The following CDH13 variants were observed in gnomAD, a reference collection of about 807,000 sequenced individuals.
CDH13 encodes the protein cadherin-13.
A neutral mutation model predicts 63.8 loss-of-function variants in CDH13; 24 were observed. That is an observed-to-expected ratio of 0.38 (90% CI 0.27 to 0.53). The LOEUF (loss-of-function observed/expected upper bound fraction) is 0.53, where lower values mean the gene tolerates loss of function less well. CDH13 is among the 20% of genes least tolerant of loss of function. The pLI, the probability that CDH13 is intolerant of heterozygous loss-of-function variation, is 0.85. For synonymous variants in CDH13, 503 were observed against 355.3 expected, an observed-to-expected ratio of 1.42 and a Z score of -4.67; for missense variants, 1,049 against 903.1, an observed-to-expected ratio of 1.16 and a Z score of -2.07.
chr16:82,901,352 GTGTGTGTGTGTGTGTC>G (rs1359842479), intron 2 of CDH13, among the ~76,000 whole-genome samples: 1 of 149,978 alleles, frequency 6.7e-6, no homozygotes. Flanking sequence ...GTGTGTGTGT[GTGTGTGTGTGTGTGTC>G]TGATGATTGG....
chr16:82,944,080 A>C (rs887188727), intron 2 of CDH13, among the ~76,000 whole-genome samples: 3 of 152,146 alleles, frequency 2.0e-5, no homozygotes, highest in African/African-American at 7.2e-5. Flanking sequence ...TTAGGAAATA[A>C]CCCAATTCAT....
At chr16:83,209,980 G>A (rs2039293960) in intron 4 of CDH13, among the ~76,000 whole-genome samples, 1 of 152,132 alleles carries the variant, frequency 6.6e-6, no homozygotes, top group African/African-American at 2.4e-5. Context: ...GCTTCGGACT[G>A]GAGAAGCAGG....
At chr16:82,802,782 C>G (rs75412462) in intron 1 of CDH13, among the ~76,000 whole-genome samples, 1 of 152,162 alleles carries the variant, frequency 6.6e-6, no homozygotes, top group Admixed American at 6.5e-5. Context: ...ATTTCTGCCT[C>G]CCTCTTCAAG....
intron 3 of CDH13, among the ~76,000 whole-genome samples, chr16:83,068,753 C>A (rs1001892984): frequency 1.3e-5 from 2 of 152,190 alleles, no homozygotes; most frequent in South Asian, 4.1e-4. Context: ...CATCTTTGAG[C>A]TTCAGTATTT....
At chr16:83,443,701 C>G (rs1246970781) in intron 6 of CDH13, among the ~76,000 whole-genome samples, 2 of 60,624 alleles carry the variant, frequency 3.3e-5, no homozygotes, top group East Asian at 4.7e-4. Context: ...TGCGAAGTCC[C>G]TACGAAAAAA....
At chr16:83,011,432 C>G (rs190461183) in intron 2 of CDH13, among the ~76,000 whole-genome samples, 1 of 152,324 alleles carries the variant, frequency 6.6e-6, no homozygotes, top group Non-Finnish European at 1.5e-5. Flanking sequence ...GAGCCCTCAA[C>G]TTCTACAAGT....
rs186436390 is a variant in CDH13, at chr16:83,540,865, A to C, written c.960+54210A>C. Among the ~76,000 whole-genome samples, 55 of 152,256 alleles carry C rather than the reference A, an allele frequency of 3.6e-4. No homozygotes were observed. In the East Asian group the frequency reaches 7.3e-3, roughly 20 times the overall value. The stretch of plus-strand genomic sequence containing the variant: ...GGATGGTCTTGATCTCCCAACCTCA[A>C]ATGATCCGCCCGCCTCAGCCTCCCA... On this transcript the variant is annotated intron_variant, in intron 7 of 13. Transcript: ENST00000567109.
intron 8 of CDH13, among the ~76,000 whole-genome samples, chr16:83,655,739 C>T (rs1023359277): frequency 6.6e-5 from 10 of 152,184 alleles, no homozygotes; most frequent in Non-Finnish European, 1.0e-4. Flanking sequence ...CCCAAACACC[C>T]AGAATCGAGC....
chr16:83,516,283 T>C (rs894097013), intron 7 of CDH13, among the ~76,000 whole-genome samples: 2 of 152,202 alleles, frequency 1.3e-5, no homozygotes, highest in Non-Finnish European at 2.9e-5. Context: ...TGTGGCTCCA[T>C]TCTGAGGTTC....
intron 2 of CDH13, among the ~76,000 whole-genome samples, chr16:83,020,805 C>A (rs574738344): frequency 1.3e-5 from 2 of 152,174 alleles, no homozygotes; most frequent in Non-Finnish European, 2.9e-5. Flanking sequence ...AGAGAGGTAA[C>A]TGGGAAATCA....
chr16:83,691,951 C>A (rs1382268962), intron 10 of CDH13, among the ~76,000 whole-genome samples: 2 of 152,142 alleles, frequency 1.3e-5, no homozygotes, highest in Non-Finnish European at 2.9e-5. Flanking sequence ...CCCTGTGGGT[C>A]TCTGATTACC....
At chr16:83,376,319 C>A (rs1184350433) in intron 6 of CDH13, among the ~76,000 whole-genome samples, 1 of 152,162 alleles carries the variant, frequency 6.6e-6, no homozygotes, top group Non-Finnish European at 1.5e-5. Flanking sequence ...GGGCTTGTGC[C>A]TACACCTAGA....
chr16:83,531,702 T>G (rs1418655383), intron 7 of CDH13, among the ~76,000 whole-genome samples: 1 of 152,014 alleles, frequency 6.6e-6, no homozygotes, highest in African/African-American at 2.4e-5. Flanking sequence ...AACCCAGAAA[T>G]GAATTCAGTC....
intron 2 of CDH13, among the ~76,000 whole-genome samples, chr16:82,895,949 T>G (rs2041241553): frequency 6.6e-6 from 1 of 152,198 alleles, no homozygotes. Flanking sequence ...CTCAAAGCCT[T>G]CGCAGGCATT....
At chr16:83,513,970 A>AT (rs2074637556) in intron 7 of CDH13, among the ~76,000 whole-genome samples, 1 of 152,210 alleles carries the variant, frequency 6.6e-6, no homozygotes. Context: ...CATCTGTCCA[A>AT]TAGAGACTGT....
At chr16:83,482,571 G>T (rs1441639767) in intron 6 of CDH13, among the ~76,000 whole-genome samples, 2 of 152,236 alleles carry the variant, frequency 1.3e-5, no homozygotes, top group Non-Finnish European at 2.9e-5. Flanking sequence ...TGGTTTAGGA[G>T]GTTTATCCAG....
intron 5 of CDH13, among the ~76,000 whole-genome samples, chr16:83,257,528 A>C (rs1376538495): frequency 6.6e-6 from 1 of 152,180 alleles, no homozygotes; most frequent in Non-Finnish European, 1.5e-5. Context: ...TCTCAGGGAA[A>C]GGTTCCTCCA....
intron 3 of CDH13, among the ~76,000 whole-genome samples, chr16:83,038,586 C>A (rs1917068170): frequency 6.6e-6 from 1 of 152,300 alleles, no homozygotes; most frequent in East Asian, 1.9e-4. Flanking sequence ...CTTTTCCCCA[C>A]CAAATCTGCT....
chr16:83,707,851 A>AAAAAAAAAAAAAAAAAAAAAAAC (rs1907359983), intron 10 of CDH13, among the ~76,000 whole-genome samples: 1 of 151,010 alleles, frequency 6.6e-6, no homozygotes, highest in Non-Finnish European at 1.5e-5. Flanking sequence ...AAAAAAAAAA[A>AAAAAAAAAAAAAAAAAAAAAAAC]AAAAAAAGAG....
Sources: allele counts gnomAD v4.1 joint callset (sites outside exome capture counted in the v4.1 genomes callset), GRCh38; gene constraint gnomAD v4.1.1; transcripts MANE v1.5; gene names NCBI Gene and HGNC (gene_info 2026-07-23, HGNC 2026-07-21).